Variants in HMBOX1 observed in about 807,000 individuals in gnomAD.
HMBOX1 encodes the protein homeobox containing 1.
Under a neutral mutation model 54.5 loss-of-function variants are expected in HMBOX1, and 14 were observed. That is an observed-to-expected ratio of 0.26 (90% confidence interval 0.17 to 0.40). The LOEUF (loss-of-function observed/expected upper bound fraction) is 0.40, where lower values mean the gene tolerates loss of function less well. Among genes scored for constraint, HMBOX1 ranks in the 10% least tolerant of loss-of-function variants. The pLI is 1.00. For missense variants in HMBOX1, 332 were observed against 514.4 expected (o/e 0.65, Z 3.43); for synonymous variants, 160 against 181.0 (o/e 0.88, Z 0.93).
chr8:28,914,715 A>G lies in HMBOX1; in HGVS notation c.-58+24037A>G, dbSNP rs531486427. 2.6e-5 allele frequency among the ~76,000 whole-genome samples: 4 copies of G among 152,334 alleles called. No individual in the cohort carries two copies. In the South Asian group the frequency reaches 8.3e-4, roughly 32 times the overall value. ...TTAATAAAATAAATATGTGGTTTTC[A>G]TTTCAGTGAAAATTTCTTTTTTTGC... On this transcript the variant is annotated intron_variant, in intron 1 of 9. Transcript: ENST00000287701.
In HMBOX1 at chr8:29,003,574, A is replaced by ATATATATATATATATATATATATT. The variant is rs1832992423; in HGVS notation, c.587-5495_587-5494insATATATATATATATATATATTTAT. Among the ~76,000 whole-genome samples, 7 of 139,724 alleles carry ATATATATATATATATATATATATT rather than the reference A, an allele frequency of 5.0e-5. No homozygotes were observed. The Admixed American group carries it at 5.1e-4, about 10-fold the overall frequency. 91.7% of individuals were successfully genotyped at this position (139,724 alleles called of 152,430 possible). On this transcript the variant is annotated intron_variant, in intron 4 of 9. Coordinates refer to ENST00000287701, the MANE Select transcript of HMBOX1 (RefSeq NM_001135726.3). ...GTATTAAATATATATATATATATAT[A>ATATATATATATATATATATATATT]TATGAATGCATATTTTTCTGTATTA...
chr8:28,898,391 TTA>T (rs1198915887), intron 1 of HMBOX1, among the ~76,000 whole-genome samples: 1 of 152,202 alleles, frequency 6.6e-6, no homozygotes, highest in Non-Finnish European at 1.5e-5. Context: ...CTCCTTGGAT[TTA>T]TGTTTCTAGC....
chr8:29,032,367 C>CT (rs1803124079), intron 6 of HMBOX1, among the ~76,000 whole-genome samples: 1 of 151,766 alleles, frequency 6.6e-6, no homozygotes, highest in Non-Finnish European at 1.5e-5. Flanking sequence ...TTCTAGCCTT[C>CT]TTTAAGACAG....
intron 6 of HMBOX1, among the ~76,000 whole-genome samples, chr8:29,034,151 T>A (rs1803456694): frequency 6.6e-6 from 1 of 152,208 alleles, no homozygotes; most frequent in Non-Finnish European, 1.5e-5. Context: ...GTTGGTAGGA[T>A]CTGAACTTGT....
intron 1 of HMBOX1, chr8:28,915,995 A>G (rs1206296276): frequency 1.3e-5 from 2 of 152,140 alleles, no homozygotes; most frequent in African/African-American, 4.8e-5. Context: ...TACTCTTACA[A>G]CATGTCTTAA....
At chr8:28,900,026 G>A (rs997151859) in intron 1 of HMBOX1, among the ~76,000 whole-genome samples, 9 of 151,818 alleles carry the variant, frequency 5.9e-5, no homozygotes, top group Non-Finnish European at 8.8e-5. Flanking sequence ...TGAGGTGGGC[G>A]GATCATGAGA....
intron 1 of HMBOX1, among the ~76,000 whole-genome samples, chr8:28,904,680 C>CT (rs1813918461): frequency 6.6e-6 from 1 of 150,418 alleles, no homozygotes. Flanking sequence ...ACTCTTCACA[C>CT]TCTTTTTTTT....
intron 1 of HMBOX1, 59 bp from the exon 2 acceptor site, chr8:28,963,752 T>A: frequency 1.3e-6 from 1 of 751,710 alleles, no homozygotes. Context: ...ATAATTAAAA[T>A]TTTTATTCAG....
At chr8:29,027,872 ATC>A (rs756898472) in intron 6 of HMBOX1, among the ~76,000 whole-genome samples, 4 of 152,166 alleles carry the variant, frequency 2.6e-5, no homozygotes, top group Non-Finnish European at 4.4e-5. Flanking sequence ...GCAAATGAAT[ATC>A]TCTGTTTGTG....
At chr8:28,977,442 TTG>T (rs1261962656) in intron 3 of HMBOX1, among the ~76,000 whole-genome samples, 3 of 152,148 alleles carry the variant, frequency 2.0e-5, no homozygotes, top group Admixed American at 6.6e-5. Flanking sequence ...ACCAAATGAT[TTG>T]TTTTATTTAT....
intron 6 of HMBOX1, among the ~76,000 whole-genome samples, chr8:29,025,014 T>C (rs1311668837): frequency 6.6e-6 from 1 of 152,060 alleles, no homozygotes; most frequent in African/African-American, 2.4e-5. Flanking sequence ...AACTGGCCTC[T>C]GGTGCCAAAA....
chr8:28,911,731 T>C (rs188521841), intron 1 of HMBOX1, among the ~76,000 whole-genome samples: 15,102 of 152,120 alleles, frequency 0.099, 1,000 homozygotes, highest in Middle Eastern at 0.16. Context: ...AGAGGGTTCG[T>C]TCTGGTTGTG....
At chr8:29,033,362 C>T (rs982691015) in intron 6 of HMBOX1, among the ~76,000 whole-genome samples, 4 of 152,194 alleles carry the variant, frequency 2.6e-5, no homozygotes, top group African/African-American at 9.7e-5. Flanking sequence ...TATCTCTCTA[C>T]AAATAGAAGG....
At chr8:28,941,599 A>C (rs1821426353) in intron 1 of HMBOX1, among the ~76,000 whole-genome samples, 1 of 152,214 alleles carries the variant, frequency 6.6e-6, no homozygotes, top group Admixed American at 6.5e-5. Context: ...TTCACTTTAG[A>C]AAGTAGGTAC....
Position 29,053,145 on chromosome 8 carries a change from C to T in HMBOX1, c.*1990C>T, listed in dbSNP as rs1806592776. ...AGTGTGAGGAAAGTCTTTGAGAGGG[C>T]ATGAAAGTGCCACCTTATATATGTC... is the stretch of plus-strand genomic sequence containing the variant. On this transcript the variant is annotated 3_prime_UTR_variant, in exon 10 of 10. Transcript: ENST00000287701. The T allele has an allele frequency of 6.6e-6, 1 of 152,368 alleles. No individual in the cohort carries two copies. The highest frequency in any genetic ancestry group is 1.5e-5 in the Non-Finnish European group (1 of 68,036). The allele number at this position is 152,368 out of a possible 1,614,324, so 9.4% of individuals were successfully genotyped here. A position where few individuals can be genotyped will look rare whatever the true frequency, so the allele number is the denominator to read the frequency against.
At chr8:28,955,954 GAAAAAA>G (rs774115433) in intron 1 of HMBOX1, 4 of 17,552 alleles carry the variant, frequency 2.3e-4, no homozygotes, top group Non-Finnish European at 4.6e-4. Context: ...CTCTGTCTAG[GAAAAAA>G]AAAAAAAAAA....
chr8:29,049,110 C>T, intron 9 of HMBOX1, 62 bp downstream of exon 9: 2 of 1,496,126 alleles, frequency 1.3e-6, no homozygotes, highest in Non-Finnish European at 1.9e-6. Context: ...AGTGGGACAG[C>T]TTAGTTCCTT....
intron 4 of HMBOX1, among the ~76,000 whole-genome samples, chr8:29,005,447 G>A (rs1467775227): frequency 6.6e-6 from 1 of 152,100 alleles, no homozygotes; most frequent in Non-Finnish European, 1.5e-5. Flanking sequence ...TTTAGAATAT[G>A]TAACATTGTA....
At chr8:28,899,631 G>A (rs1812830527) in intron 1 of HMBOX1, among the ~76,000 whole-genome samples, 1 of 152,154 alleles carries the variant, frequency 6.6e-6, no homozygotes, top group Non-Finnish European at 1.5e-5. Context: ...CAACACCATA[G>A]GTGATATTTA....
Sources: allele counts gnomAD v4.1 joint callset (sites outside exome capture counted in the v4.1 genomes callset), GRCh38; gene constraint gnomAD v4.1.1; transcripts MANE v1.5; gene names NCBI Gene and HGNC (gene_info 2026-07-23, HGNC 2026-07-21).